SLC25A26: variants seen among roughly 807,000 people sequenced by gnomAD.
SLC25A26 encodes the protein solute carrier family 25 member 26.
A neutral mutation model predicts 37.8 loss-of-function variants in SLC25A26; 36 were observed. The ratio of observed to expected loss-of-function variants is 0.95; its 90% CI spans 0.73 to 1.26. SLC25A26 has a LOEUF of 1.26. SLC25A26 is among the 50% of genes most tolerant of loss of function. SLC25A26 has a pLI of 0.00. For missense variants in SLC25A26, 390 were observed against 331.1 expected, an observed-to-expected ratio of 1.18 and a Z score of -1.38; for synonymous variants, 129 against 122.5, an observed-to-expected ratio of 1.05 and a Z score of -0.35.
At chr3:66,144,107 G>A (rs2070079110) in intron 1 of SLC25A26, among the ~76,000 whole-genome samples, 1 of 152,118 alleles carries the variant, frequency 6.6e-6, no homozygotes, top group Non-Finnish European at 1.5e-5. Context: ...ACTTTCAATA[G>A]TTAGGAAAGG....
chr3:66,244,659 G>T (rs1291388327), intron 3 of SLC25A26, among the ~76,000 whole-genome samples: 1 of 152,144 alleles, frequency 6.6e-6, no homozygotes, highest in East Asian at 1.9e-4. Flanking sequence ...TAGGCAGTCT[G>T]TTCCTACCAT....
intron 6 of SLC25A26, among the ~76,000 whole-genome samples, chr3:66,351,619 TG>T (rs2076455911): frequency 6.6e-6 from 1 of 152,154 alleles, no homozygotes; most frequent in African/African-American, 2.4e-5. Context: ...GCTGCCTAGT[TG>T]ACATCCTCAC....
intron 5 of SLC25A26, among the ~76,000 whole-genome samples, chr3:66,297,588 A>G (rs1475371528): frequency 6.6e-6 from 1 of 152,114 alleles, no homozygotes; most frequent in Non-Finnish European, 1.5e-5. Flanking sequence ...CTCTCTGGGT[A>G]TTGATTTCCT....
chr3:66,296,837 A>G (rs1467456619), intron 5 of SLC25A26, among the ~76,000 whole-genome samples: 1 of 152,246 alleles, frequency 6.6e-6, no homozygotes, highest in African/African-American at 2.4e-5. Context: ...AGATGGGATG[A>G]GAAAGGTGCA....
chr3:66,158,616 A>G (rs1189877657), intron 1 of SLC25A26, among the ~76,000 whole-genome samples: 1 of 152,084 alleles, frequency 6.6e-6, no homozygotes, highest in African/African-American at 2.4e-5. Context: ...AACACTTGCT[A>G]TTGTCCCTCT....
At chr3:66,295,377 C>T (rs902477864) in intron 5 of SLC25A26, among the ~76,000 whole-genome samples, 13 of 151,724 alleles carry the variant, frequency 8.6e-5, no homozygotes, top group African/African-American at 3.1e-4. Flanking sequence ...GCGCATGCCA[C>T]CATACCTGTC....
At chr3:66,321,480 C>T (rs2075691965) in intron 5 of SLC25A26, among the ~76,000 whole-genome samples, 1 of 152,186 alleles carries the variant, frequency 6.6e-6, no homozygotes, top group Admixed American at 6.5e-5. Flanking sequence ...TTGAGAAACC[C>T]TTCCGTGTAG....
intron 1 of SLC25A26, among the ~76,000 whole-genome samples, chr3:66,199,748 C>T (rs1250697203): frequency 6.6e-6 from 1 of 152,210 alleles, no homozygotes; most frequent in African/African-American, 2.4e-5. Flanking sequence ...TGACCCCCAG[C>T]TGCACCCTGT....
chr3:66,157,486 T>C (rs1484175374), intron 1 of SLC25A26, among the ~76,000 whole-genome samples: 1 of 152,250 alleles, frequency 6.6e-6, no homozygotes, highest in Non-Finnish European at 1.5e-5. Context: ...ACAATTATAC[T>C]ATGAGGTAGG....
chr3:66,351,074 G>C (rs1383490291), intron 6 of SLC25A26, among the ~76,000 whole-genome samples: 2 of 152,006 alleles, frequency 1.3e-5, no homozygotes, highest in African/African-American at 4.8e-5. Flanking sequence ...TGCAGCTCTG[G>C]TGCCTGTCTA....
chr3:66,377,634 A>G, intron 9 of SLC25A26, 56 bp from the exon 10 acceptor site: 1 of 1,407,688 alleles, frequency 7.1e-7, no homozygotes, highest in Non-Finnish European at 1.0e-6. Flanking sequence ...TGGGTATTGG[A>G]ATTTAACCTT....
intron 5 of SLC25A26, among the ~76,000 whole-genome samples, chr3:66,313,823 A>G (rs1344533500): frequency 6.6e-6 from 1 of 152,154 alleles, no homozygotes; most frequent in Non-Finnish European, 1.5e-5. Context: ...TTCATCTTGA[A>G]GAGATCCTTC....
At chr3:66,254,974 G>A (rs2073243716) in intron 3 of SLC25A26, among the ~76,000 whole-genome samples, 1 of 152,318 alleles carries the variant, frequency 6.6e-6, no homozygotes, top group South Asian at 2.1e-4. Context: ...TAAAACCCTG[G>A]TGGTGATGTG....
At chr3:66,292,011 A>G (rs1052318659) in intron 5 of SLC25A26, among the ~76,000 whole-genome samples, 4 of 138,580 alleles carry the variant, frequency 2.9e-5, no homozygotes, top group African/African-American at 1.4e-4. Flanking sequence ...TATTTAGGAT[A>G]GTTAGCTCTT....
chr3:66,373,675 ATT>A (rs11316750), intron 9 of SLC25A26, among the ~76,000 whole-genome samples: 183 of 143,826 alleles, frequency 1.3e-3, no homozygotes, highest in Middle Eastern at 7.4e-3. Context: ...CATGATGCTG[ATT>A]TTTTTTTTTT....
At chr3:66,238,843 A>G (rs2072428643) in intron 2 of SLC25A26, among the ~76,000 whole-genome samples, 1 of 152,152 alleles carries the variant, frequency 6.6e-6, no homozygotes, top group African/African-American at 2.4e-5. Context: ...CTCGGGTGGC[A>G]GAGGCAGAAG....
At chr3:66,174,216 C>T (rs1362530879) in intron 1 of SLC25A26, among the ~76,000 whole-genome samples, 5 of 152,216 alleles carry the variant, frequency 3.3e-5, no homozygotes, top group African/African-American at 1.2e-4. Context: ...GAACAGCTCT[C>T]TCCAGAAAAT....
intron 6 of SLC25A26, among the ~76,000 whole-genome samples, chr3:66,352,159 G>C (rs972606314): frequency 1.3e-5 from 2 of 152,156 alleles, no homozygotes; most frequent in Non-Finnish European, 1.5e-5. Context: ...TGAGGTGGGA[G>C]ACTTACTTGA....
rs1355017192 is a variant in SLC25A26, at chr3:66,209,087, G to GGTAT, written c.-353-11655_-353-11654insGTAT. On this transcript the variant is annotated intron_variant, in intron 1 of 10. Coordinates refer to the SLC25A26 transcript ENST00000676754. ...ATATACACACACACACCCATATAAA[G>GGTAT]ATGTATATATATATATATATATATA... 3.0e-3 allele frequency among the ~76,000 whole-genome samples: 121 copies of GGTAT among 39,956 alleles called. 5 individuals are homozygous for GGTAT. The highest frequency in any genetic ancestry group is 4.4e-3 in the Non-Finnish European group (107 of 24,384). 26.2% of individuals were successfully genotyped at this position (39,956 alleles called of 152,430 possible). A position where few individuals can be genotyped will look rare whatever the true frequency, so the allele number is the denominator to read the frequency against.
Sources: allele counts gnomAD v4.1 joint callset (sites outside exome capture counted in the v4.1 genomes callset), GRCh38; gene constraint gnomAD v4.1.1; transcripts MANE v1.5; gene names NCBI Gene and HGNC (gene_info 2026-07-23, HGNC 2026-07-21).